Variants in ANKRD13A observed in about 807,000 individuals in gnomAD.
The protein encoded by ANKRD13A is ankyrin repeat domain 13A.
ANKRD13A carries 48 observed loss-of-function variants against 81.3 expected under a neutral mutation model. That is an observed-to-expected ratio of 0.59 (90% CI 0.47 to 0.75). The LOEUF (loss-of-function observed/expected upper bound fraction) is 0.75. Ranked by LOEUF, ANKRD13A falls within the 30% of genes least tolerant of loss-of-function variation. The pLI, the probability that ANKRD13A is intolerant of heterozygous loss-of-function variation, is 0.00. For synonymous variants in ANKRD13A, 230 were observed against 270.1 expected, an observed-to-expected ratio of 0.85 and a Z score of 1.45; for missense variants, 612 against 734.0, an observed-to-expected ratio of 0.83 and a Z score of 1.92.
chr12:110,018,548 C>T lies in ANKRD13A; in HGVS notation c.544+60C>T. On this transcript the variant is annotated intron_variant, in intron 5 of 14. Transcript: ENST00000261739. This position sits in a 1 kb window ranked among gnomAD's most constrained non-coding sequence, Gnocchi z 4.4. ...GCAAAATTACAGGGTGATTTTTAAC[C>T]AAGAAAATGCTTTCACATTCATGTG... The T allele has an allele frequency of 6.4e-7, 1 of 1,569,214 alleles. No homozygotes were observed. The highest frequency in any genetic ancestry group is 8.7e-7 in the Non-Finnish European group (1 of 1,148,726).
At chr12:110,024,228 G>C in intron 7 of ANKRD13A, 116 bp downstream of exon 7, 1 of 913,146 alleles carries the variant, frequency 1.1e-6, no homozygotes, top group Non-Finnish European at 1.7e-6. Flanking sequence ...TGGGGAATGA[G>C]AACTGTCTAA....
chr12:110,004,607 G>A (rs931702795), intron 1 of ANKRD13A, among the ~76,000 whole-genome samples: 54 of 152,108 alleles, frequency 3.6e-4, no homozygotes, highest in African/African-American at 1.3e-3. Context: ...CTCCAGCCTG[G>A]GCAACAAGAG....
chr12:110,016,264 T>G, intron 3 of ANKRD13A, 124 bp from the exon 4 acceptor site: 3 of 737,562 alleles, frequency 4.1e-6, no homozygotes, highest in Non-Finnish European at 6.0e-6. Context: ...TTACATTTTA[T>G]TTCTTCTTAT....
chr12:110,015,072 G>T (rs762568204), intron 3 of ANKRD13A, among the ~76,000 whole-genome samples: 4 of 152,026 alleles, frequency 2.6e-5, no homozygotes, highest in Non-Finnish European at 5.9e-5. Context: ...CAGTGCGCCC[G>T]GCCGCATTTC....
chr12:110,014,278 G>A (rs1025119426), intron 3 of ANKRD13A, among the ~76,000 whole-genome samples: 1 of 152,090 alleles, frequency 6.6e-6, no homozygotes, highest in Non-Finnish European at 1.5e-5. Context: ...CGGGTGTGGT[G>A]GCGGGCGCCT....
chr12:110,029,170 C>A, intron 10 of ANKRD13A: 2 of 235,980 alleles, frequency 8.5e-6, no homozygotes, highest in Non-Finnish European at 8.1e-6. Flanking sequence ...TTTTTTATTG[C>A]TAACCAGCTT....
chr12:110,028,640 GAAGT>G lies in ANKRD13A; in HGVS notation c.1076+2_1076+5del. 6.2e-7 allele frequency: 1 copy of G among 1,614,184 alleles called. No individual in the cohort carries two copies. Among genetic ancestry groups the G allele is most frequent in the South Asian group, 1.1e-5 (1 of 91,082 alleles). On this transcript the variant is annotated splice_donor_variant and coding_sequence_variant, in exon 10 of 15. Coordinates refer to ENST00000261739, the MANE Select transcript of ANKRD13A (RefSeq NM_033121.2). LOFTEE classifies it high-confidence loss of function. ...CGAAAGAGCTGACGATTAGAACACAGAAGTAAGAGAGGTTCAGCTGCCATTTTCA... is the reference window on the plus strand; with the variant it reads ...CGAAAGAGCTGACGATTAGAACACAGAAGAGAGGTTCAGCTGCCATTTTCA...
Position 110,033,826 on chromosome 12 carries a change from C to G in ANKRD13A, c.1378C>G (p.Gln460Glu), listed in dbSNP as rs751544802. ...ASHITNFEVD[Q>E]SVFEIPESYY... ...CCACATCACAAACTTTGAGGTTGAT[C>G]AATCTGTGTTTGAAATTCCCGAATC... Residue 460 changes from glutamine to glutamate, a missense_variant, in exon 13 of 15, where the codon CAA becomes GAA. Coordinates refer to ENST00000261739, the MANE Select transcript of ANKRD13A (RefSeq NM_033121.2). 9 of 1,607,490 alleles carry G rather than the reference C, an allele frequency of 5.6e-6. No homozygotes were observed. Among genetic ancestry groups the G allele is most frequent in the East Asian group, 2.2e-5 (1 of 44,490 alleles).
At position 110,012,102 on chromosome 12, in the gene ANKRD13A, C is replaced by T. The variant is rs754566253; in HGVS notation, c.194C>T (p.Ala65Val). The change falls in exon 2 of 15, where the codon GCA becomes GTA. Residue 65 changes from alanine (A) to valine (V), a missense_variant. Transcript: ENST00000261739. ...ESARVLLRHK[A>V]DVTKENRQGW... is the part of the protein sequence containing the mutation. Reference sequence around the variant, plus strand: ...GCTCGAGTCTTACTCCGACATAAAGCAGATGTGACAAAAGAAAATCGCCAG... The same window carrying T: ...GCTCGAGTCTTACTCCGACATAAAGTAGATGTGACAAAAGAAAATCGCCAG... The T allele has an allele frequency of 1.2e-6, 2 of 1,612,528 alleles. No individual in the cohort carries two copies. The highest frequency in any genetic ancestry group is 2.2e-5 in the South Asian group (2 of 91,000).
At position 110,036,745 on chromosome 12, in the gene ANKRD13A, G is replaced by A. The variant is rs1289341164; in HGVS notation, c.1577+417G>A. On this transcript the variant is annotated intron_variant, in intron 14 of 14. Transcript: ENST00000261739. This position sits in a 1 kb window ranked among gnomAD's most constrained non-coding sequence, Gnocchi z 4.6. ...AGCCTGGGCGATAGAGCGAGACTCC[G>A]TCTCAAAAAAAAAAAAGACTAAAGT... Among the ~76,000 whole-genome samples the A allele has an allele frequency of 1.3e-5, 2 of 150,514 alleles. No homozygotes were observed. Among genetic ancestry groups the A allele is most frequent in the Non-Finnish European group, 2.9e-5 (2 of 67,806 alleles).
chr12:110,016,966 G>T (rs544633493), intron 4 of ANKRD13A, among the ~76,000 whole-genome samples: 2 of 152,076 alleles, frequency 1.3e-5, no homozygotes, highest in East Asian at 1.9e-4. Flanking sequence ...AGAGAGTGGG[G>T]TTTCACCATG....
At chr12:110,020,552 G>C (rs1891026300) in intron 6 of ANKRD13A, among the ~76,000 whole-genome samples, 1 of 152,232 alleles carries the variant, frequency 6.6e-6, no homozygotes, top group African/African-American at 2.4e-5. Flanking sequence ...CAGCCTCCTT[G>C]CACTGGCCTG....
intron 3 of ANKRD13A, among the ~76,000 whole-genome samples, chr12:110,013,589 C>T (rs1382520662): frequency 6.6e-6 from 1 of 151,846 alleles, no homozygotes; most frequent in Non-Finnish European, 1.5e-5. Flanking sequence ...GCCTGGGCAA[C>T]AAACAAAGCA....
At chr12:110,032,041 C>CT (rs1278940626) in intron 12 of ANKRD13A, among the ~76,000 whole-genome samples, 1 of 151,920 alleles carries the variant, frequency 6.6e-6, no homozygotes, top group Non-Finnish European at 1.5e-5. Flanking sequence ...AATCTTTAAG[C>CT]TTTTCATTTC....
In ANKRD13A at chr12:110,018,760, T is replaced by C. The variant is rs1487210927; in HGVS notation, c.544+272T>C. The stretch of plus-strand genomic sequence containing the variant: ...CCTTTGAGCACAGGCCTTCTGTGTG[T>C]ATCTCTGTATAACCCTCCATAATCA... On this transcript the variant is annotated intron_variant, in intron 5 of 14. Coordinates refer to ENST00000261739, the MANE Select transcript of ANKRD13A (RefSeq NM_033121.2). This position sits in a 1 kb window ranked among gnomAD's most constrained non-coding sequence, Gnocchi z 4.4. Among the ~76,000 whole-genome samples, 2 of 152,248 alleles carry C rather than the reference T, an allele frequency of 1.3e-5. No homozygotes were observed. The highest frequency in any genetic ancestry group is 2.9e-5 in the Non-Finnish European group (2 of 68,044).
chr12:110,011,256 C>CA (rs1890505956), intron 1 of ANKRD13A, among the ~76,000 whole-genome samples: 1 of 152,164 alleles, frequency 6.6e-6, no homozygotes, highest in African/African-American at 2.4e-5. Flanking sequence ...TCTGGACACG[C>CA]GGTGCAGGTG....
At chr12:110,002,702 T>A (rs542921359) in intron 1 of ANKRD13A, among the ~76,000 whole-genome samples, 77 of 152,360 alleles carry the variant, frequency 5.1e-4, no homozygotes, top group African/African-American at 1.8e-3. Context: ...GGTGAGTTTC[T>A]GCTGTCAGTT....
At position 109,999,686 on chromosome 12, in the gene ANKRD13A, G is replaced by T; in HGVS notation, c.-3G>T. 6.5e-7 allele frequency: 1 copy of T among 1,532,002 alleles called. No homozygotes were observed. The highest frequency in any genetic ancestry group is 8.8e-7 in the Non-Finnish European group (1 of 1,138,364). The allele number at this position is 1,532,002 out of a possible 1,614,324, so 94.9% of individuals were successfully genotyped here. ...ACGAGGACCAGGTTACGGCCTCCTCGCCATGTCCTCGGCCTGCGACGCGGG... is the reference window on the plus strand; with the variant it reads ...ACGAGGACCAGGTTACGGCCTCCTCTCCATGTCCTCGGCCTGCGACGCGGG... On this transcript the variant is annotated 5_prime_UTR_variant, in exon 1 of 15. Transcript: ENST00000261739. This position sits in a 1 kb window ranked among gnomAD's most constrained non-coding sequence, Gnocchi z 4.3.
At chr12:110,035,065 A>C (rs1891944165) in intron 13 of ANKRD13A, among the ~76,000 whole-genome samples, 1 of 152,020 alleles carries the variant, frequency 6.6e-6, no homozygotes, top group Non-Finnish European at 1.5e-5. Context: ...CCCCATTCCC[A>C]GACCCATTCA....
Sources: gnomAD v4.1 joint callset for allele counts (sites outside exome capture counted in the v4.1 genomes callset) on GRCh38, gnomAD v4.1.1 for gene constraint, Gnocchi (gnomAD v3.1) non-coding constraint, MANE v1.5 for transcripts, NCBI Gene and HGNC (gene_info 2026-07-23, HGNC 2026-07-21) for gene names.